The following HMGB1 variants were observed in gnomAD, a reference collection of about 807,000 sequenced individuals.
HMGB1 encodes high mobility group box 1.
For missense variants in HMGB1, 79 were observed against 253.5 expected (o/e 0.31, Z 4.67); for synonymous variants, 81 against 84.0 (o/e 0.96, Z 0.19).
chr13:30,550,431 T>C (rs997061040), intron 1 of HMGB1, among the ~76,000 whole-genome samples: 1 of 152,168 alleles, frequency 6.6e-6, no homozygotes, highest in African/African-American at 2.4e-5. Flanking sequence ...TGAGAGTACA[T>C]ATCCTCCCTG....
intron 1 of HMGB1, among the ~76,000 whole-genome samples, chr13:30,577,212 C>T (rs943661650): frequency 6.6e-5 from 10 of 152,032 alleles, no homozygotes; most frequent in Non-Finnish European, 1.2e-4. Flanking sequence ...CAGTGGTACA[C>T]ACCTGTGGTC....
At chr13:30,533,238 T>C (rs1888537354) in intron 1 of HMGB1, among the ~76,000 whole-genome samples, 1 of 152,194 alleles carries the variant, frequency 6.6e-6, no homozygotes, top group African/African-American at 2.4e-5. Flanking sequence ...CTGGGGACAT[T>C]TGTGAAACCA....
rs148513243 is a variant in HMGB1 at position 30,475,525 on chromosome 13, TA to T, written c.-14-11832del. The stretch of plus-strand genomic sequence containing the variant: ...AATGTGCCCGGTTTGAGACCATCTC[TA>T]AAAAAAAAAAAAAAAAATTCCCTGG... On this transcript the variant is annotated intron_variant, in intron 1 of 4. Coordinates refer to the HMGB1 transcript ENST00000405805. 6.5e-3 allele frequency among the ~76,000 whole-genome samples: 854 copies of T among 131,430 alleles called. 3 individuals carry two copies. Among genetic ancestry groups the T allele is most frequent in the East Asian group, 0.02 (91 of 4,614 alleles). The allele number at this position is 131,430 out of a possible 152,430, so 86.2% of individuals were successfully genotyped here. A position where few individuals can be genotyped will look rare whatever the true frequency, so the allele number is the denominator to read the frequency against.
intron 1 of HMGB1, chr13:30,554,532 G>A (rs1461301410): frequency 8.3e-6 from 7 of 848,214 alleles, no homozygotes; most frequent in African/African-American, 3.3e-5. Context: ...ATACAGAAAC[G>A]GTGGAAAGAA....
At chr13:30,502,263 G>A (rs902901974) in intron 1 of HMGB1, among the ~76,000 whole-genome samples, 12 of 152,042 alleles carry the variant, frequency 7.9e-5, no homozygotes, top group South Asian at 2.1e-4. Context: ...CCTCTGCTAC[G>A]TGTAGGCACT....
chr13:30,478,812 A>G (rs1001487838), intron 1 of HMGB1, among the ~76,000 whole-genome samples: 2 of 151,668 alleles, frequency 1.3e-5, no homozygotes, highest in Non-Finnish European at 2.9e-5. Context: ...GATTATAGGC[A>G]TGAGCCACAC....
At chr13:30,589,280 C>A (rs182946732) in intron 1 of HMGB1, among the ~76,000 whole-genome samples, 2 of 152,220 alleles carry the variant, frequency 1.3e-5, no homozygotes, top group African/African-American at 4.8e-5. Flanking sequence ...GCTGGGATTA[C>A]AGGCGTGAAC....
At chr13:30,557,455 C>T (rs1281305966) in intron 1 of HMGB1, among the ~76,000 whole-genome samples, 4 of 152,184 alleles carry the variant, frequency 2.6e-5, no homozygotes, top group Non-Finnish European at 4.4e-5. Flanking sequence ...GATTAGGGAG[C>T]AAGCCTCCAA....
At chr13:30,494,499 T>C (rs1361431189) in intron 1 of HMGB1, among the ~76,000 whole-genome samples, 49 of 152,064 alleles carry the variant, frequency 3.2e-4, no homozygotes, top group Non-Finnish European at 1.5e-5. Flanking sequence ...GTAGCTGGGA[T>C]TACAGGCGTG....
intron 1 of HMGB1, among the ~76,000 whole-genome samples, chr13:30,492,051 C>T (rs929378499): frequency 1.3e-5 from 2 of 151,866 alleles, no homozygotes; most frequent in African/African-American, 4.8e-5. Context: ...ACCTGTAGTC[C>T]CAGCTACTCG....
chr13:30,530,171 A>G (rs1888462696), intron 1 of HMGB1, among the ~76,000 whole-genome samples: 1 of 152,254 alleles, frequency 6.6e-6, no homozygotes, highest in South Asian at 2.1e-4. Flanking sequence ...TAAAATTTCT[A>G]AAACACCTGA....
chr13:30,490,440 C>T (rs1037673553), intron 1 of HMGB1, among the ~76,000 whole-genome samples: 16 of 151,918 alleles, frequency 1.1e-4, no homozygotes, highest in African/African-American at 3.9e-4. Flanking sequence ...GCCAACACGG[C>T]AAAACCCTGT....
chr13:30,514,327 A>C (rs1888055764), intron 1 of HMGB1, among the ~76,000 whole-genome samples: 2 of 146,934 alleles, frequency 1.4e-5, no homozygotes, highest in Admixed American at 1.4e-4. Context: ...CATTGCTATT[A>C]TTATCCCTCA....
At chr13:30,469,512 A>C (rs1886872906), upstream of HMGB1, among the ~76,000 whole-genome samples, 1 of 120,414 alleles carries the variant, frequency 8.3e-6, no homozygotes, top group African/African-American at 2.6e-5. Context: ...CCCAGGCTGG[A>C]GTGCAGTGCA....
At chr13:30,465,576 G>C (rs569870697) in intron 1 of HMGB1, among the ~76,000 whole-genome samples, 2 of 150,886 alleles carry the variant, frequency 1.3e-5, no homozygotes, top group South Asian at 4.2e-4. Context: ...CGGGGCTCCC[G>C]GCGCCTCAGG....
At chr13:30,465,382 C>T (rs1428329763) in intron 1 of HMGB1, 1 of 142,782 alleles carries the variant, frequency 7.0e-6, no homozygotes, top group African/African-American at 2.5e-5. Context: ...CCGCCGCTGC[C>T]CTCCCGCCGC....
At chr13:30,568,551 T>C (rs1378935377) in intron 1 of HMGB1, among the ~76,000 whole-genome samples, 1 of 152,068 alleles carries the variant, frequency 6.6e-6, no homozygotes, top group Admixed American at 6.6e-5. Flanking sequence ...TAATAAAGAA[T>C]CTTGAGATAA....
Position 30,578,368 on chromosome 13 carries a change from C to CTTTTTTTTT in HMGB1, c.-15+38294_-15+38302dup, listed in dbSNP as rs60947686. On this transcript the variant is annotated intron_variant, in intron 1 of 4. Coordinates refer to the HMGB1 transcript ENST00000405805. ...TCAAGATCAGAGACCAGTTCTTGTT[C>CTTTTTTTTT]TTTTTTTTTTTTTTTTTTTTTTTTT... Among the ~76,000 whole-genome samples, 39 of 59,326 alleles carry CTTTTTTTTT rather than the reference C, an allele frequency of 6.6e-4. 1 individual carries two copies. The highest frequency in any genetic ancestry group is 8.3e-4 in the Non-Finnish European group (26 of 31,228). 38.9% of individuals were successfully genotyped at this position (59,326 alleles called of 152,430 possible). A position where few individuals can be genotyped will look rare whatever the true frequency, so the allele number is the denominator to read the frequency against.
chr13:30,535,220 G>A (rs190307228), intron 1 of HMGB1, among the ~76,000 whole-genome samples: 1 of 152,342 alleles, frequency 6.6e-6, no homozygotes, highest in East Asian at 1.9e-4. Flanking sequence ...AGCACTTGAT[G>A]GAGTTCATCC....
Sources: gnomAD v4.1 joint callset for allele counts (sites outside exome capture counted in the v4.1 genomes callset) on GRCh38, gnomAD v4.1.1 for gene constraint, MANE v1.5 for transcripts, NCBI Gene and HGNC (gene_info 2026-07-23, HGNC 2026-07-21) for gene names.